TBCK: variants seen among roughly 807,000 people sequenced by gnomAD.
TBCK encodes the protein TBC1 domain containing kinase.
A neutral mutation model predicts 113.4 loss-of-function variants in TBCK; 99 were observed. The ratio of observed to expected loss-of-function variants is 0.87; its 90% CI spans 0.74 to 1.03. The LOEUF (loss-of-function observed/expected upper bound fraction) is 1.03. Ranked by LOEUF, TBCK falls within the 50% of genes least tolerant of loss-of-function variation. The probability of loss-of-function intolerance (pLI) is 0.00; values close to 1 mark genes in which losing one functional copy is unlikely to be tolerated. For missense variants in TBCK, 1,045 were observed against 1,061.3 expected, an observed-to-expected ratio of 0.98 and a Z score of 0.21; for synonymous variants, 369 against 370.8, an observed-to-expected ratio of 1.00 and a Z score of 0.05.
intron 25 of TBCK, among the ~76,000 whole-genome samples, chr4:106,082,173 C>G (rs941463874): frequency 1.3e-5 from 2 of 152,126 alleles, no homozygotes; most frequent in Non-Finnish European, 2.9e-5. Flanking sequence ...GCACTATTCA[C>G]AATAGCAAAG....
intron 19 of TBCK, chr4:106,213,898 C>T (rs1361825415): frequency 6.5e-6 from 1 of 153,330 alleles, no homozygotes; most frequent in East Asian, 1.9e-4. Context: ...CCTCTGTAGG[C>T]TCCACCTCTG....
chr4:106,171,143 C>G lies in TBCK; in HGVS notation c.2187G>C (p.Ser729=), dbSNP rs375976669. ...PSSDSSGGRS[S]APYFSAECPD... ...GACACTCAGCAGAGAAATAAGGTGC[C>G]GAACTTCTGCCTCCACTGCTGTCAG... is the stretch of plus-strand genomic sequence containing the variant. Residue 729 remains serine, a synonymous_variant, in exon 23 of 26, where the codon TCG becomes TCC. Coordinates refer to ENST00000394708, the MANE Select transcript of TBCK (RefSeq NM_001163435.3). 6.2e-7 allele frequency: 1 copy of G among 1,612,544 alleles called. No homozygotes were observed. The highest frequency in any genetic ancestry group is 8.5e-7 in the Non-Finnish European group (1 of 1,179,290).
At chr4:106,057,733 A>G (rs1735590830) in intron 25 of TBCK, among the ~76,000 whole-genome samples, 1 of 151,788 alleles carries the variant, frequency 6.6e-6, no homozygotes. Flanking sequence ...CCTCACTTAG[A>G]TGAAATTTCT....
chr4:106,095,514 T>C lies in TBCK; in HGVS notation c.2539A>G (p.Ile847Val). Reference protein sequence around the residue: ...LQNFKGKVIVIVGHVAKHTAE... With the variant: ...LQNFKGKVIVVVGHVAKHTAE... ...GTGTGTTTTGCCACATGCCCCACGA[T>C]GACAATGACCTTCCCTTTGAAGTTC... The change falls in exon 25 of 26, where the codon ATC becomes GTC. Residue 847 changes from isoleucine (I) to valine (V), a missense_variant. Physicochemically the swap from Ile to Val is conservative, Grantham distance 29. Coordinates refer to ENST00000394708, the MANE Select transcript of TBCK (RefSeq NM_001163435.3). 1.2e-6 allele frequency: 2 copies of C among 1,614,024 alleles called. No individual in the cohort carries two copies. Among genetic ancestry groups the C allele is most frequent in the African/African-American group, 1.3e-5 (1 of 75,038 alleles).
At chr4:106,193,888 C>T in intron 21 of TBCK, 118 bp from the exon 22 acceptor site, 1 of 625,890 alleles carries the variant, frequency 1.6e-6, no homozygotes, top group South Asian at 3.0e-5. Flanking sequence ...TACTTCAGAG[C>T]TAATACTACC....
At chr4:106,177,544 T>C (rs60111429) in intron 22 of TBCK, among the ~76,000 whole-genome samples, 2,768 of 152,056 alleles carry the variant, frequency 0.018, 77 homozygotes, top group African/African-American at 0.061. Flanking sequence ...TTAGTCTGCA[T>C]ATGGAGATAC....
At chr4:106,248,893 T>G (rs113619185) in intron 8 of TBCK, 28 bp downstream of exon 8, 1 of 1,562,906 alleles carries the variant, frequency 6.4e-7, no homozygotes, top group Middle Eastern at 1.7e-4. Context: ...GCAGCACAAA[T>G]GGACTAAGAC....
Position 106,118,212 on chromosome 4 carries a change from C to T in TBCK, c.2236-1834G>A, listed in dbSNP as rs1466361445. Among the ~76,000 whole-genome samples, 4 of 152,030 alleles carry T rather than the reference C, an allele frequency of 2.6e-5. No individual in the cohort carries two copies. The South Asian group carries it at 8.3e-4, about 32-fold the overall frequency. On this transcript the variant is annotated intron_variant, in intron 23 of 25. Transcript: ENST00000394708. ...TATCCAATTTAGAATTTGTAGGTAACAAAAAATAAACCATATAAATCATTT... is the reference window on the plus strand; with the variant it reads ...TATCCAATTTAGAATTTGTAGGTAATAAAAAATAAACCATATAAATCATTT...
At chr4:106,192,367 G>A (rs184794773) in intron 22 of TBCK, among the ~76,000 whole-genome samples, 66 of 152,072 alleles carry the variant, frequency 4.3e-4, no homozygotes, top group Non-Finnish European at 8.2e-4. Context: ...TGGCAAGCTG[G>A]AAATGACAAG....
intron 22 of TBCK, among the ~76,000 whole-genome samples, chr4:106,173,868 T>C (rs1429457058): frequency 1.3e-5 from 2 of 152,124 alleles, no homozygotes; most frequent in Non-Finnish European, 2.9e-5. Flanking sequence ...TTTTTAACCT[T>C]GCATTATAAT....
chr4:106,185,242 G>A (rs1752879376), intron 22 of TBCK, among the ~76,000 whole-genome samples: 1 of 151,758 alleles, frequency 6.6e-6, no homozygotes, highest in Non-Finnish European at 1.5e-5. Context: ...AAACACTCTG[G>A]TATATTATTT....
At chr4:106,316,626 G>A, upstream of TBCK, 1 of 1,549,192 alleles carries the variant, frequency 6.5e-7, no homozygotes, top group Non-Finnish European at 8.7e-7. Context: ...CACTCACTCG[G>A]GGATCGCCGA....
At chr4:106,218,823 G>C (rs1757312431) in intron 19 of TBCK, among the ~76,000 whole-genome samples, 2 of 128,784 alleles carry the variant, frequency 1.6e-5, no homozygotes, top group Admixed American at 1.6e-4. Flanking sequence ...GATTCCTCAG[G>C]GATCTAGAAC....
At chr4:106,295,453 C>T (rs558987339) in intron 2 of TBCK, among the ~76,000 whole-genome samples, 37 of 151,902 alleles carry the variant, frequency 2.4e-4, no homozygotes, top group South Asian at 1.9e-3. Context: ...AATAACTCAC[C>T]CTTCTTCTGA....
At chr4:106,306,249 T>G (rs1468402453) in intron 2 of TBCK, among the ~76,000 whole-genome samples, 2 of 145,658 alleles carry the variant, frequency 1.4e-5, no homozygotes, top group East Asian at 4.0e-4. Flanking sequence ...TTTTTTTTTT[T>G]TTTTTTTTTT....
chr4:106,072,080 A>C (rs1446694542), intron 25 of TBCK, among the ~76,000 whole-genome samples: 1 of 152,190 alleles, frequency 6.6e-6, no homozygotes, highest in African/African-American at 2.4e-5. Context: ...TAATTAGGGC[A>C]TTTAGCCCAT....
At chr4:106,266,971 A>G (rs1275396199) in intron 3 of TBCK, among the ~76,000 whole-genome samples, 2 of 150,550 alleles carry the variant, frequency 1.3e-5, no homozygotes, top group Non-Finnish European at 2.9e-5. Flanking sequence ...CACTAAAAGA[A>G]GATTTAGGAT....
At chr4:106,199,284 C>T (rs1417280229) in intron 20 of TBCK, among the ~76,000 whole-genome samples, 1 of 152,070 alleles carries the variant, frequency 6.6e-6, no homozygotes, top group Admixed American at 6.6e-5. Flanking sequence ...ATTCCCACTT[C>T]TTCAGAACAT....
chr4:106,205,941 G>C (rs1212820534), intron 20 of TBCK, among the ~76,000 whole-genome samples: 1 of 151,952 alleles, frequency 6.6e-6, no homozygotes, highest in Non-Finnish European at 1.5e-5. Context: ...TACCACTATT[G>C]CATTTTTGGG....
Sources: allele counts gnomAD v4.1 joint callset (sites outside exome capture counted in the v4.1 genomes callset), GRCh38; gene constraint gnomAD v4.1.1; transcripts MANE v1.5; gene names NCBI Gene and HGNC (gene_info 2026-07-23, HGNC 2026-07-21).